The following MBD5 variants were observed in gnomAD, a reference collection of about 807,000 sequenced individuals.
MBD5 encodes methyl-CpG-binding domain protein 5.
Under a neutral mutation model 117.3 loss-of-function variants are expected in MBD5, and 13 were observed. The observed-to-expected ratio is 0.11, with a 90% CI of 0.07 to 0.18. The LOEUF (loss-of-function observed/expected upper bound fraction) is 0.18, where lower values mean the gene tolerates loss of function less well. Ranked by LOEUF, MBD5 falls within the 10% of genes least tolerant of loss-of-function variation. The probability of loss-of-function intolerance (pLI) is 1.00; values close to 1 mark genes in which losing one functional copy is unlikely to be tolerated. For synonymous variants in MBD5, 727 were observed against 766.4 expected (o/e 0.95, Z 0.85); for missense variants, 1,879 against 2,093.8 (o/e 0.90, Z 2.00).
chr2:148,261,777 A>G (rs1447728049), intron 3 of MBD5, among the ~76,000 whole-genome samples: 1 of 152,172 alleles, frequency 6.6e-6, no homozygotes, highest in African/African-American at 2.4e-5. Context: ...TGTCAGCCTG[A>G]CATGTCTTCC....
At chr2:148,363,158 A>G (rs1392285539) in intron 4 of MBD5, among the ~76,000 whole-genome samples, 4 of 152,214 alleles carry the variant, frequency 2.6e-5, no homozygotes, top group African/African-American at 4.8e-5. Flanking sequence ...TGACAGAAGT[A>G]GGCTTCAGAA....
chr2:148,354,107 T>C (rs1559036520), intron 4 of MBD5, among the ~76,000 whole-genome samples: 1 of 152,172 alleles, frequency 6.6e-6, no homozygotes, highest in East Asian at 1.9e-4. Flanking sequence ...AAAATTTTTT[T>C]ATTTTACTTT....
At chr2:148,144,414 G>T (rs1697396270) in intron 1 of MBD5, among the ~76,000 whole-genome samples, 1 of 152,226 alleles carries the variant, frequency 6.6e-6, no homozygotes, top group Non-Finnish European at 1.5e-5. Context: ...TCACTCTGAT[G>T]GTAGTTTGTT....
chr2:148,307,924 G>A (rs1701933065), intron 3 of MBD5, among the ~76,000 whole-genome samples: 1 of 152,120 alleles, frequency 6.6e-6, no homozygotes, highest in Non-Finnish European at 1.5e-5. Context: ...ACTTTGCTGA[G>A]AATGATGGTT....
At chr2:148,086,599 T>C (rs1695798140) in intron 1 of MBD5, among the ~76,000 whole-genome samples, 1 of 152,170 alleles carries the variant, frequency 6.6e-6, no homozygotes, top group African/African-American at 2.4e-5. Context: ...ACATAATTTC[T>C]GAGACTCACT....
intron 8 of MBD5, among the ~76,000 whole-genome samples, chr2:148,475,189 C>T (rs933286753): frequency 6.6e-6 from 1 of 152,058 alleles, no homozygotes; most frequent in African/African-American, 2.4e-5. Flanking sequence ...TCGATTTTAT[C>T]CCCCAATCAG....
At position 148,224,540 on chromosome 2, in the gene MBD5, T is replaced by A. The variant is rs1252799255; in HGVS notation, c.-830-8705T>A. ...TTTTTTTTTTTTTTTTTTTTTTTTT[T>A]AGTAGAGACGAGGTTTCACCATGTT... On this transcript the variant is annotated intron_variant, in intron 2 of 13. Coordinates refer to ENST00000642680, the MANE Select transcript of MBD5 (RefSeq NM_001378120.1). Among the ~76,000 whole-genome samples the A allele has an allele frequency of 2.8e-4, 30 of 105,916 alleles. No individual in the cohort carries two copies. The South Asian group carries it at 8.6e-3, about 30-fold the overall frequency. The allele number at this position is 105,916 out of a possible 152,430, so 69.5% of individuals were successfully genotyped here. A position where few individuals can be genotyped will look rare whatever the true frequency, so the allele number is the denominator to read the frequency against.
At chr2:148,054,690 A>G (rs951075916) in intron 1 of MBD5, 7 of 152,252 alleles carry the variant, frequency 4.6e-5, no homozygotes, top group Admixed American at 3.3e-4. Context: ...TGTATTTTAC[A>G]TAAGTATTAA....
intron 11 of MBD5, among the ~76,000 whole-genome samples, chr2:148,491,359 ATG>A (rs1681520881): frequency 6.7e-6 from 1 of 149,998 alleles, no homozygotes; most frequent in African/African-American, 2.5e-5. Context: ...GGCAAGAAAT[ATG>A]CAGAGTGTTT....
At chr2:148,172,813 A>T (rs1292223116) in intron 1 of MBD5, among the ~76,000 whole-genome samples, 1 of 152,074 alleles carries the variant, frequency 6.6e-6, no homozygotes, top group Non-Finnish European at 1.5e-5. Context: ...GACCGTTGGG[A>T]CTACCAGGTG....
intron 3 of MBD5, among the ~76,000 whole-genome samples, chr2:148,242,382 A>ATG (rs1558987563): frequency 6.6e-6 from 1 of 151,694 alleles, no homozygotes; most frequent in African/African-American, 2.4e-5. Flanking sequence ...ACACACATAT[A>ATG]TATATATATT....
At chr2:148,342,190 G>A (rs994782264) in intron 3 of MBD5, 24 bp from the exon 4 acceptor site, 13 of 151,806 alleles carry the variant, frequency 8.6e-5, no homozygotes, top group South Asian at 4.2e-4. Flanking sequence ...ATAAATGTGC[G>A]GACTCATGTT....
chr2:148,425,895 TA>T (rs35269801), intron 4 of MBD5, among the ~76,000 whole-genome samples: 1 of 152,154 alleles, frequency 6.6e-6, no homozygotes, highest in East Asian at 1.9e-4. Context: ...TTCAAAATAA[TA>T]AGAGCTATGT....
rs772718707 is a variant in MBD5, at chr2:148,468,999, A to G, written c.1056A>G (p.Thr352=). 2 of 1,613,516 alleles carry G rather than the reference A, an allele frequency of 1.2e-6. No homozygotes were observed. The highest frequency in any genetic ancestry group is 1.7e-5 in the Admixed American group (1 of 59,916). Residue 352 remains threonine (T), a synonymous_variant, in exon 8 of 14, where the codon ACA becomes ACG. Transcript: ENST00000642680. ...PSCALQKKPL[T]SEKDPLGILD... ...GTGCTCTTCAGAAAAAGCCATTAAC[A>G]TCTGAGAAAGATCCACTTGGCATTC...
chr2:148,339,933 A>G (rs1702894360), intron 3 of MBD5, among the ~76,000 whole-genome samples: 1 of 152,014 alleles, frequency 6.6e-6, no homozygotes, highest in Admixed American at 6.6e-5. Flanking sequence ...TGTAATTCCC[A>G]GAGGCTGTAT....
intron 8 of MBD5, among the ~76,000 whole-genome samples, chr2:148,473,964 A>T (rs142057100): frequency 2.0e-5 from 3 of 152,156 alleles, no homozygotes; most frequent in Non-Finnish European, 2.9e-5. Flanking sequence ...GACCAGTAGG[A>T]TACTTGGTGA....
intron 4 of MBD5, among the ~76,000 whole-genome samples, chr2:148,428,795 C>T (rs755571439): frequency 2.0e-5 from 3 of 152,092 alleles, no homozygotes; most frequent in Admixed American, 6.6e-5. Context: ...TAGCCATAGG[C>T]AGAAAACAGA....
chr2:148,261,540 T>G (rs1700733371), intron 3 of MBD5, among the ~76,000 whole-genome samples: 1 of 152,192 alleles, frequency 6.6e-6, no homozygotes, highest in Admixed American at 6.5e-5. Flanking sequence ...TTGAAGAGAG[T>G]TAGGGCCTTG....
intron 2 of MBD5, among the ~76,000 whole-genome samples, chr2:148,198,099 T>C (rs1159759335): frequency 6.6e-6 from 1 of 152,180 alleles, no homozygotes; most frequent in Non-Finnish European, 1.5e-5. Context: ...AATGACTGGC[T>C]ACACTAACTT....
Sources: gnomAD v4.1 joint callset for allele counts (sites outside exome capture counted in the v4.1 genomes callset) on GRCh38, gnomAD v4.1.1 for gene constraint, MANE v1.5 for transcripts, NCBI Gene and HGNC (gene_info 2026-07-23, HGNC 2026-07-21) for gene names.